RSU1: variants seen among roughly 807,000 people sequenced by gnomAD.
The protein encoded by RSU1 is rsu-1.
In RSU1, 26 loss-of-function variants were observed where a neutral mutation model predicts 31.1. That is an observed-to-expected ratio of 0.84 (90% confidence interval 0.61 to 1.16). The LOEUF is 1.16. RSU1 is among the 50% of genes most tolerant of loss of function. RSU1 has a pLI of 0.00. For synonymous variants in RSU1, 164 were observed against 136.3 expected (o/e 1.20, Z -1.41); for missense variants, 320 against 339.1 (o/e 0.94, Z 0.44).
intron 7 of RSU1, chr10:16,748,431 C>T (rs185793916): frequency 1.3e-5 from 2 of 152,280 alleles, no homozygotes; most frequent in East Asian, 3.9e-4. Flanking sequence ...TGTGATTACA[C>T]CGGGCTCACC....
intron 7 of RSU1, among the ~76,000 whole-genome samples, chr10:16,731,997 C>A (rs558693401): frequency 1.3e-5 from 2 of 152,172 alleles, no homozygotes; most frequent in East Asian, 1.9e-4. Context: ...CCTTAAGGGG[C>A]CAATGGACTT....
intron 8 of RSU1, among the ~76,000 whole-genome samples, chr10:16,595,130 T>G (rs890911790): frequency 1.1e-4 from 16 of 152,230 alleles, no homozygotes; most frequent in Admixed American, 3.9e-4. Flanking sequence ...TTGCCCAGGC[T>G]GGTGTTACAC....
At chr10:16,788,181 A>T (rs1307431912) in intron 2 of RSU1, among the ~76,000 whole-genome samples, 1 of 152,336 alleles carries the variant, frequency 6.6e-6, no homozygotes, top group East Asian at 1.9e-4. Context: ...AGCTTCATGT[A>T]AGAGCAAACC....
chr10:16,797,664 G>C (rs905572432), intron 2 of RSU1, among the ~76,000 whole-genome samples: 1 of 151,830 alleles, frequency 6.6e-6, no homozygotes. Flanking sequence ...TTACAACAAT[G>C]ATACATGACA....
chr10:16,812,384 G>C (rs970111928), intron 2 of RSU1, among the ~76,000 whole-genome samples: 3 of 152,220 alleles, frequency 2.0e-5, no homozygotes, highest in Admixed American at 2.0e-4. Context: ...GGAGGCTGCA[G>C]TGAGCAGAGA....
intron 2 of RSU1, among the ~76,000 whole-genome samples, chr10:16,816,746 C>G (rs1838541554): frequency 6.6e-6 from 1 of 152,202 alleles, no homozygotes; most frequent in Non-Finnish European, 1.5e-5. Flanking sequence ...ACCGATGAGG[C>G]ACAGCTGTCT....
intron 7 of RSU1, among the ~76,000 whole-genome samples, chr10:16,718,836 C>A (rs926617204): frequency 5.3e-5 from 8 of 151,896 alleles, no homozygotes; most frequent in African/African-American, 1.9e-4. Flanking sequence ...CAATAATTAG[C>A]CGGGCATGGT....
At chr10:16,775,406 T>C (rs185289677) in intron 3 of RSU1, among the ~76,000 whole-genome samples, 1 of 152,202 alleles carries the variant, frequency 6.6e-6, no homozygotes, top group African/African-American at 2.4e-5. Flanking sequence ...AAAAATATAT[T>C]GTGGAGGAAT....
intron 7 of RSU1, among the ~76,000 whole-genome samples, chr10:16,724,760 G>A (rs970953228): frequency 1.3e-5 from 2 of 152,230 alleles, no homozygotes; most frequent in Non-Finnish European, 2.9e-5. Flanking sequence ...ACTCAAAAGT[G>A]ACAAGGCTGT....
chr10:16,620,337 G>C (rs1405793728), intron 8 of RSU1, among the ~76,000 whole-genome samples: 1 of 152,104 alleles, frequency 6.6e-6, no homozygotes, highest in African/African-American at 2.4e-5. Flanking sequence ...TTTCTTGAAA[G>C]GAATCACATC....
intron 8 of RSU1, among the ~76,000 whole-genome samples, chr10:16,671,073 T>C (rs2131537766): frequency 6.6e-6 from 1 of 152,238 alleles, no homozygotes; most frequent in Non-Finnish European, 1.5e-5. Context: ...GCCAGAACCC[T>C]GTTAAAGCTC....
intron 8 of RSU1, among the ~76,000 whole-genome samples, chr10:16,598,302 G>A (rs1372628414): frequency 6.6e-6 from 1 of 152,160 alleles, no homozygotes; most frequent in Admixed American, 6.5e-5. Context: ...ACTTCAGGAG[G>A]CCAAGGCGGG....
intron 8 of RSU1, among the ~76,000 whole-genome samples, chr10:16,665,270 T>C (rs895811694): frequency 5.9e-5 from 9 of 152,012 alleles, no homozygotes; most frequent in African/African-American, 2.2e-4. Context: ...TTATATGCAT[T>C]ATCTCATACA....
intron 8 of RSU1, among the ~76,000 whole-genome samples, chr10:16,641,831 C>A (rs113165481): frequency 6.6e-5 from 10 of 152,284 alleles, no homozygotes; most frequent in African/African-American, 1.9e-4. Context: ...CAGGAAGGCA[C>A]GGGCTGGGTT....
chr10:16,669,235 C>T lies in RSU1; in HGVS notation c.731+25788G>A, dbSNP rs1370614367. 2.0e-5 allele frequency among the ~76,000 whole-genome samples: 3 copies of T among 151,988 alleles called. No homozygotes were observed. The South Asian group carries it at 6.2e-4, about 32-fold the overall frequency. On this transcript the variant is annotated intron_variant, in intron 8 of 8. Transcript: ENST00000345264. ...GTTACAGAAGAAAAAAAATTCAGGG[C>T]ATTAAAATAATGCGCTCACGATCAT...
chr10:16,707,232 G>A (rs181818952), intron 7 of RSU1, among the ~76,000 whole-genome samples: 262 of 152,266 alleles, frequency 1.7e-3, no homozygotes, highest in African/African-American at 6.0e-3. Flanking sequence ...CTTCAACATA[G>A]TAATTTCTTT....
intron 8 of RSU1, among the ~76,000 whole-genome samples, chr10:16,643,730 C>T (rs914610541): frequency 8.6e-5 from 13 of 151,982 alleles, no homozygotes; most frequent in Admixed American, 4.6e-4. Context: ...TCTCCAAATG[C>T]GCATACTAAG....
At position 16,666,919 on chromosome 10, in the gene RSU1, T is replaced by C. The variant is rs971242968; in HGVS notation, c.731+28104A>G. On this transcript the variant is annotated intron_variant, in intron 8 of 8. Transcript: ENST00000345264. ...CAGGAGAACTGCTTGAACCCCAGCA[T>C]TGCGGGGCGAAGGTTGCAGTGAGTT... 6.6e-5 allele frequency among the ~76,000 whole-genome samples: 10 copies of C among 152,068 alleles called. No individual in the cohort carries two copies. The East Asian group carries it at 1.9e-3, about 29-fold the overall frequency.
At chr10:16,729,340 T>C (rs1369991816) in intron 7 of RSU1, among the ~76,000 whole-genome samples, 4 of 152,206 alleles carry the variant, frequency 2.6e-5, no homozygotes, top group African/African-American at 9.7e-5. Context: ...TCGATTATAA[T>C]TCTATTCACC....
Sources: allele counts gnomAD v4.1 joint callset (sites outside exome capture counted in the v4.1 genomes callset), GRCh38; gene constraint gnomAD v4.1.1; transcripts MANE v1.5; gene names NCBI Gene and HGNC (gene_info 2026-07-23, HGNC 2026-07-21).